Variants in ARPP21 observed in about 807,000 individuals in gnomAD.
ARPP21 encodes the protein cAMP regulated phosphoprotein 21, also known as cAMP-regulated phosphoprotein 21.
A neutral mutation model predicts 113.2 loss-of-function variants in ARPP21; 69 were observed. That is an observed-to-expected ratio of 0.61 (90% CI 0.50 to 0.74). ARPP21 has a LOEUF of 0.74. ARPP21 is among the 30% of genes least tolerant of loss of function. The pLI is 0.00. For missense variants in ARPP21, 1,070 were observed against 1,037.4 expected (o/e 1.03, Z -0.43); for synonymous variants, 368 against 375.5 (o/e 0.98, Z 0.23).
chr3:35,731,913 C>A (rs1000474496), intron 15 of ARPP21, among the ~76,000 whole-genome samples: 25 of 152,152 alleles, frequency 1.6e-4, no homozygotes, highest in Admixed American at 6.5e-5. Flanking sequence ...CTTTTTACAA[C>A]CATACTTAGA....
intron 1 of ARPP21, among the ~76,000 whole-genome samples, chr3:35,657,523 C>A (rs58979951): frequency 2.2e-4 from 34 of 152,216 alleles, no homozygotes; most frequent in Admixed American, 1.4e-3. Context: ...AAGTACTTTT[C>A]TGAGTACTTT....
At chr3:35,706,631 G>T (rs1196723397) in intron 9 of ARPP21, among the ~76,000 whole-genome samples, 1 of 152,228 alleles carries the variant, frequency 6.6e-6, no homozygotes, top group Non-Finnish European at 1.5e-5. Flanking sequence ...ATTTGTTTGA[G>T]AATATGGGTA....
Position 35,739,534 on chromosome 3 carries a change from C to A in ARPP21, c.1967C>A (p.Pro656His), listed in dbSNP as rs765875543. Reference protein sequence around the residue: ...PPISQQVLQPPPSPQGFVQQP... With the variant: ...PPISQQVLQPHPSPQGFVQQP... Reference sequence around the variant, plus strand: ...ATCTCCCAGCAGGTCCTCCAGCCCCCTCCCTCACCACAGGGATTTGTGCAA... The same window carrying A: ...ATCTCCCAGCAGGTCCTCCAGCCCCATCCCTCACCACAGGGATTTGTGCAA... Residue 656 changes from proline to histidine, a missense_variant, in exon 18 of 21, where the codon CCT becomes CAT. Coordinates refer to ENST00000684406, the MANE Select transcript of ARPP21 (RefSeq NM_001385562.1). 36 of 1,613,924 alleles carry A rather than the reference C, an allele frequency of 2.2e-5. No individual in the cohort carries two copies. The highest frequency in any genetic ancestry group is 3.0e-5 in the Non-Finnish European group (35 of 1,179,952).
intron 1 of ARPP21, among the ~76,000 whole-genome samples, chr3:35,663,012 G>C (rs766756024): frequency 2.0e-5 from 3 of 152,064 alleles, no homozygotes; most frequent in Non-Finnish European, 4.4e-5. Flanking sequence ...TTTGATAACA[G>C]AGTAGGGTGA....
chr3:35,695,695 A>G (rs2083726187), intron 9 of ARPP21, among the ~76,000 whole-genome samples: 2 of 151,530 alleles, frequency 1.3e-5, no homozygotes, highest in Non-Finnish European at 3.0e-5. Context: ...TAAGACTTAA[A>G]CAAATGTAGT....
chr3:35,691,606 A>G (rs1481610236), intron 9 of ARPP21, among the ~76,000 whole-genome samples: 2 of 151,562 alleles, frequency 1.3e-5, no homozygotes, highest in Non-Finnish European at 3.0e-5. Context: ...TAAAAAGAGG[A>G]TGACAAGTTT....
At position 35,640,231 on chromosome 3, in the gene ARPP21, A is replaced by G. The variant is rs1399533908; in HGVS notation, c.-380A>G. The stretch of plus-strand genomic sequence containing the variant: ...AATAAATCGACCAAAAACAAAACAA[A>G]CAAACAAACCCAACAACAACAACAA... On this transcript the variant is annotated 5_prime_UTR_variant, in exon 1 of 21. Coordinates refer to ENST00000684406, the MANE Select transcript of ARPP21 (RefSeq NM_001385562.1). The G allele has an allele frequency of 6.6e-6, 1 of 152,418 alleles. No homozygotes were observed. The highest frequency in any genetic ancestry group is 1.5e-5 in the Non-Finnish European group (1 of 68,230). The allele number at this position is 152,418 out of a possible 1,614,324, so 9.4% of individuals were successfully genotyped here. A position where few individuals can be genotyped will look rare whatever the true frequency, so the allele number is the denominator to read the frequency against.
chr3:35,768,170 G>A (rs775013946), intron 19 of ARPP21, among the ~76,000 whole-genome samples: 9 of 149,158 alleles, frequency 6.0e-5, no homozygotes, highest in South Asian at 2.1e-4. Flanking sequence ...GGAGAGGATA[G>A]GCTTGAGATG....
At chr3:35,687,275 T>G (rs2149559631) in intron 5 of ARPP21, among the ~76,000 whole-genome samples, 1 of 151,436 alleles carries the variant, frequency 6.6e-6, no homozygotes, top group African/African-American at 2.4e-5. Flanking sequence ...AGGGGCTTTC[T>G]TTATGTCTGT....
At chr3:35,661,923 G>A (rs558224843) in intron 1 of ARPP21, among the ~76,000 whole-genome samples, 1 of 152,244 alleles carries the variant, frequency 6.6e-6, no homozygotes, top group Non-Finnish European at 1.5e-5. Context: ...TGTAATCATA[G>A]TATCTTGAAT....
chr3:35,717,523 T>C (rs1253056510), intron 13 of ARPP21, among the ~76,000 whole-genome samples, 166 bp downstream of exon 13: 2 of 152,140 alleles, frequency 1.3e-5, no homozygotes, highest in Non-Finnish European at 2.9e-5. Context: ...TATTGGGTAG[T>C]ATGAGATATG....
intron 19 of ARPP21, among the ~76,000 whole-genome samples, chr3:35,751,589 A>G (rs1302388340): frequency 2.6e-5 from 4 of 152,138 alleles, no homozygotes; most frequent in Non-Finnish European, 5.9e-5. Context: ...ACTTACATTT[A>G]AGATAAACCT....
rs749967403 is a variant in ARPP21, at chr3:35,739,436, G to A, written c.1869G>A (p.Gln623=). Residue 623 remains glutamine, a synonymous_variant, in exon 18 of 21, where the codon CAG becomes CAA. Transcript: ENST00000684406. The stretch of plus-strand genomic sequence containing the variant: ...CCTCCCTTATGCCACAGCCGGCCCA[G>A]CAGCCCAGCTATGTAATCGCCTCTA... ...YPSSLMPQPA[Q]QPSYVIASTG... is the part of the protein sequence containing the mutation. The A allele has an allele frequency of 2.5e-6, 4 of 1,614,148 alleles. No individual in the cohort carries two copies. Among genetic ancestry groups the A allele is most frequent in the Non-Finnish European group, 1.7e-6 (2 of 1,180,046 alleles).
At chr3:35,691,680 A>G (rs937231199) in intron 9 of ARPP21, among the ~76,000 whole-genome samples, 1 of 151,630 alleles carries the variant, frequency 6.6e-6, no homozygotes, top group Non-Finnish European at 1.5e-5. Flanking sequence ...CTGAGTCACC[A>G]AAAGCATAAT....
intron 2 of ARPP21, chr3:35,681,270 A>G (rs2149460094): frequency 6.5e-6 from 1 of 153,844 alleles, no homozygotes; most frequent in East Asian, 1.9e-4. Context: ...TACCTAGGGA[A>G]GCATGTCTAT....
chr3:35,753,305 A>T (rs777678763), intron 19 of ARPP21, among the ~76,000 whole-genome samples: 7 of 152,074 alleles, frequency 4.6e-5, no homozygotes, highest in Non-Finnish European at 5.9e-5. Context: ...TCATGTCAAC[A>T]TATGAATATA....
chr3:35,778,525 A>T (rs1163296508), intron 19 of ARPP21, among the ~76,000 whole-genome samples: 1 of 152,138 alleles, frequency 6.6e-6, no homozygotes, highest in Non-Finnish European at 1.5e-5. Flanking sequence ...TTCTCCCCTA[A>T]GACCTACAGA....
chr3:35,716,521 A>G (rs2092426925), intron 12 of ARPP21, among the ~76,000 whole-genome samples: 1 of 152,066 alleles, frequency 6.6e-6, no homozygotes, highest in African/African-American at 2.4e-5. Flanking sequence ...AGAAACACAT[A>G]AAAGGGATTC....
intron 19 of ARPP21, among the ~76,000 whole-genome samples, chr3:35,761,211 G>A (rs756611284): frequency 6.6e-6 from 1 of 151,998 alleles, no homozygotes; most frequent in Non-Finnish European, 1.5e-5. Flanking sequence ...AGGCATCTAG[G>A]TTGTCAGGAA....
Sources: gnomAD v4.1 joint callset for allele counts (sites outside exome capture counted in the v4.1 genomes callset) on GRCh38, gnomAD v4.1.1 for gene constraint, MANE v1.5 for transcripts, NCBI Gene and HGNC (gene_info 2026-07-23, HGNC 2026-07-21) for gene names.